The following SMURF2 variants were observed in gnomAD, a reference collection of about 807,000 sequenced individuals.
SMURF2 encodes the protein SMAD specific E3 ubiquitin protein ligase 2.
A neutral mutation model predicts 109.6 loss-of-function variants in SMURF2; 48 were observed. That is an observed-to-expected ratio of 0.44 (90% CI 0.35 to 0.56). The LOEUF is 0.56. Among genes scored for constraint, SMURF2 ranks in the 20% least tolerant of loss-of-function variants. SMURF2 has a pLI of 0.01. For missense variants in SMURF2, 575 were observed against 909.0 expected (o/e 0.63, Z 4.72); for synonymous variants, 288 against 317.1 (o/e 0.91, Z 0.97).
chr17:64,639,020 G>A (rs781973056), intron 1 of SMURF2, among the ~76,000 whole-genome samples: 5 of 152,118 alleles, frequency 3.3e-5, no homozygotes, highest in African/African-American at 4.8e-5. Flanking sequence ...GTAAAAAGAC[G>A]GCAATTTTAG....
intron 9 of SMURF2, among the ~76,000 whole-genome samples, chr17:64,577,554 A>C (rs1969511615): frequency 6.7e-6 from 1 of 149,770 alleles, no homozygotes; most frequent in African/African-American, 2.5e-5. Flanking sequence ...AAAGTATAAT[A>C]AAATAAATAA....
chr17:64,557,672 A>G lies in SMURF2; in HGVS notation c.1367T>C (p.Leu456Pro). The change falls in exon 13 of 19, where the codon CTC becomes CCC. Residue 456 changes from leucine (L) to proline (P), a missense_variant. Leu to Pro is a moderately conservative substitution (Grantham distance 98, BLOSUM62 -3). This residue lies in a region of SMURF2 where 361 missense variants were observed against 612.1 expected (regional missense o/e 0.59). Transcript: ENST00000262435. Reference protein sequence around the residue: ...SHEMLNPYYGLFQYSRDDIYT... With the variant: ...SHEMLNPYYGPFQYSRDDIYT... ...AATATCATCTCTTGAATACTGGAAG[A>G]GGCCATAGTATGGATTCAACATTTC... 1 of 1,612,830 alleles carries G rather than the reference A, an allele frequency of 6.2e-7. No homozygotes were observed. Among genetic ancestry groups the G allele is most frequent in the Non-Finnish European group, 8.5e-7 (1 of 1,179,200 alleles).
chr17:64,651,577 A>G (rs549997186), intron 1 of SMURF2, among the ~76,000 whole-genome samples: 2 of 151,946 alleles, frequency 1.3e-5, no homozygotes, highest in South Asian at 4.1e-4. Context: ...ACCTCAGAAA[A>G]AAAAAAAAAG....
intron 2 of SMURF2, among the ~76,000 whole-genome samples, chr17:64,605,744 A>AATATGTATATATATATATATATATAT (rs1969959789): frequency 1.0e-5 from 1 of 99,120 alleles, no homozygotes; most frequent in Admixed American, 1.2e-4. Context: ...CTCTAAAAAG[A>AATATGTATATATATATATATATATAT]ATATATATAT....
chr17:64,603,221 T>G (rs1969921981), intron 2 of SMURF2, among the ~76,000 whole-genome samples: 1 of 152,024 alleles, frequency 6.6e-6, no homozygotes, highest in African/African-American at 2.4e-5. Flanking sequence ...AGAAATCTTT[T>G]TTAAAATGTT....
chr17:64,578,375 AAG>A (rs1400488496), intron 9 of SMURF2, 115 bp downstream of exon 9: 1 of 675,018 alleles, frequency 1.5e-6, no homozygotes, highest in African/African-American at 1.8e-5. Flanking sequence ...TAACTATCAG[AAG>A]AGTCAAACTT....
intron 16 of SMURF2, among the ~76,000 whole-genome samples, chr17:64,551,042 A>G (rs537129976): frequency 3.3e-5 from 5 of 152,294 alleles, no homozygotes; most frequent in South Asian, 4.1e-4. Context: ...AGAAAAATAA[A>G]TTAAAAATTT....
chr17:64,657,698 A>C (rs1970722877), intron 1 of SMURF2, among the ~76,000 whole-genome samples: 1 of 151,696 alleles, frequency 6.6e-6, no homozygotes, highest in Non-Finnish European at 1.5e-5. Flanking sequence ...CAGTGTGGGC[A>C]ACAGAATGAG....
At chr17:64,607,893 C>T (rs553367737) in intron 1 of SMURF2, among the ~76,000 whole-genome samples, 10 of 150,596 alleles carry the variant, frequency 6.6e-5, no homozygotes, top group African/African-American at 2.2e-4. Context: ...ATCACTTGAA[C>T]CTGGGAGGTG....
intron 2 of SMURF2, among the ~76,000 whole-genome samples, chr17:64,605,773 A>ATATATATATC (rs1268912427): frequency 2.9e-5 from 4 of 138,546 alleles, no homozygotes; most frequent in Non-Finnish European, 6.1e-5. Context: ...ATATATATAT[A>ATATATATATC]TATCTTATTT....
At chr17:64,656,401 T>A (rs1487408675) in intron 1 of SMURF2, among the ~76,000 whole-genome samples, 1 of 152,176 alleles carries the variant, frequency 6.6e-6, no homozygotes, top group Non-Finnish European at 1.5e-5. Context: ...AAAATAAATA[T>A]CATTAGTAAA....
chr17:64,656,168 A>T (rs1252751308), intron 1 of SMURF2, among the ~76,000 whole-genome samples: 1 of 152,248 alleles, frequency 6.6e-6, no homozygotes, highest in Non-Finnish European at 1.5e-5. Flanking sequence ...TCTTCCAAGT[A>T]TAGAATAGGA....
chr17:64,659,403 CT>C (rs567091387), intron 1 of SMURF2, among the ~76,000 whole-genome samples: 17 of 151,620 alleles, frequency 1.1e-4, no homozygotes, highest in Middle Eastern at 3.4e-3. Flanking sequence ...TGGGATCTGT[CT>C]TTTTTTAAGT....
At chr17:64,553,335 T>C (rs1969072534) in intron 15 of SMURF2, among the ~76,000 whole-genome samples, 1 of 151,998 alleles carries the variant, frequency 6.6e-6, no homozygotes, top group South Asian at 2.1e-4. Context: ...TGAAACCCCA[T>C]CTCTGCTAAT....
chr17:64,638,381 A>G (rs1555692298), intron 1 of SMURF2, among the ~76,000 whole-genome samples: 1 of 151,944 alleles, frequency 6.6e-6, no homozygotes, highest in Non-Finnish European at 1.5e-5. Context: ...TTGTATTTTT[A>G]TTAGAGACAG....
chr17:64,661,501 A>C (rs2144745875), intron 1 of SMURF2, among the ~76,000 whole-genome samples: 1 of 152,224 alleles, frequency 6.6e-6, no homozygotes, highest in Admixed American at 6.5e-5. Flanking sequence ...CCTGGGCGGT[A>C]GCCCAGGGGC....
At chr17:64,651,065 C>T (rs1419883472) in intron 1 of SMURF2, among the ~76,000 whole-genome samples, 1 of 151,602 alleles carries the variant, frequency 6.6e-6, no homozygotes, top group African/African-American at 2.4e-5. Flanking sequence ...TACATGGTGG[C>T]GGGTGCCTGT....
chr17:64,637,494 T>C (rs1447211380), intron 1 of SMURF2, among the ~76,000 whole-genome samples: 1 of 152,066 alleles, frequency 6.6e-6, no homozygotes, highest in African/African-American at 2.4e-5. Context: ...TTAATTTTTA[T>C]ATATGGCATG....
intron 15 of SMURF2, among the ~76,000 whole-genome samples, chr17:64,553,679 T>C (rs1417219489): frequency 1.3e-5 from 2 of 152,208 alleles, no homozygotes; most frequent in Non-Finnish European, 2.9e-5. Flanking sequence ...ATTTTAGTAG[T>C]GTAACTTTTT....
Sources: allele counts gnomAD v4.1 joint callset (sites outside exome capture counted in the v4.1 genomes callset), GRCh38; gene constraint gnomAD v4.1.1; regional missense constraint gnomAD v4.1.1; transcripts MANE v1.5; gene names NCBI Gene and HGNC (gene_info 2026-07-23, HGNC 2026-07-21).